Variants in AASDH observed in about 807,000 individuals in gnomAD.
AASDH encodes aminoadipate-semialdehyde dehydrogenase.
AASDH carries 81 observed loss-of-function variants against 102.3 expected under a neutral mutation model. The observed-to-expected ratio is 0.79, with a 90% CI of 0.66 to 0.95. The LOEUF (loss-of-function observed/expected upper bound fraction) is 0.95. Among genes scored for constraint, AASDH ranks in the 40% least tolerant of loss-of-function variants. The pLI is 0.00. For missense variants in AASDH, 1,203 were observed against 1,266.2 expected, an observed-to-expected ratio of 0.95 and a Z score of 0.76; for synonymous variants, 398 against 454.0, an observed-to-expected ratio of 0.88 and a Z score of 1.57.
chr4:56,346,944 G>C (rs1748396553), intron 11 of AASDH, among the ~76,000 whole-genome samples: 2 of 151,940 alleles, frequency 1.3e-5, no homozygotes, highest in Admixed American at 1.3e-4. Context: ...CAGAAGCTGA[G>C]GTGGGAGCAT....
chr4:56,363,617 G>A (rs1047686418), intron 5 of AASDH, among the ~76,000 whole-genome samples: 2 of 152,320 alleles, frequency 1.3e-5, no homozygotes, highest in African/African-American at 4.8e-5. Context: ...AACAGGGTCT[G>A]GAGTGGACCT....
intron 4 of AASDH, among the ~76,000 whole-genome samples, chr4:56,371,856 A>T (rs571898890): frequency 1.5e-4 from 23 of 152,262 alleles, no homozygotes; most frequent in African/African-American, 4.3e-4. Context: ...TCCACGTTTT[A>T]CCAGACATAT....
intron 5 of AASDH, among the ~76,000 whole-genome samples, chr4:56,371,102 A>G (rs1320968879): frequency 6.6e-6 from 1 of 152,196 alleles, no homozygotes; most frequent in Admixed American, 6.5e-5. Context: ...TTATAATTTA[A>G]TTGACTTATA....
rs139992537 is a variant in AASDH, at chr4:56,352,497, G to A, written c.1576+907C>T. ...CAACCTCTGCCTCCTGGGTTCAAGC[G>A]ATCCTCCCACCTCAGCCTTCCAAGT... is the stretch of plus-strand genomic sequence containing the variant. On this transcript the variant is annotated intron_variant, in intron 9 of 14. Coordinates refer to ENST00000205214, the MANE Select transcript of AASDH (RefSeq NM_181806.4). Among the ~76,000 whole-genome samples the A allele has an allele frequency of 9.2e-3, 1,396 of 152,200 alleles. 19 individuals carry two copies. The highest frequency in any genetic ancestry group is 0.032 in the African/African-American group (1,319 of 41,544).
intron 5 of AASDH, among the ~76,000 whole-genome samples, chr4:56,370,579 C>G (rs1256432734): frequency 1.2e-4 from 19 of 152,180 alleles, no homozygotes; most frequent in Admixed American, 2.6e-4. Flanking sequence ...GAAAAGACCG[C>G]AGTCTAATGA....
intron 10 of AASDH, 147 bp downstream of exon 10, chr4:56,351,195 A>G: frequency 1.8e-6 from 1 of 544,366 alleles, no homozygotes; most frequent in Non-Finnish European, 3.2e-6. Context: ...TTTTAATACA[A>G]ATTGGATAAA....
Position 56,354,056 on chromosome 4 carries a change from TG to T in AASDH, c.1365del (p.Asn455LysfsTer28), listed in dbSNP as rs773310003. 3.1e-6 allele frequency: 5 copies of T among 1,610,812 alleles called. No homozygotes were observed. Among genetic ancestry groups the T allele is most frequent in the Non-Finnish European group, 4.2e-6 (5 of 1,178,456 alleles). Reference protein sequence around the residue: ...SQIKRHGKRLNIELVQQVAEE... With the variant: ...SQIKRHGKRLXIELVQQVAEE... ...AGTTCTACCTGTTGCACAAGTTCAATGTTAAGACGTTTGCCATGACGTTTGA... is the reference window on the plus strand; with the variant it reads ...AGTTCTACCTGTTGCACAAGTTCAATTTAAGACGTTTGCCATGACGTTTGA... On this transcript the variant is annotated frameshift_variant, in exon 8 of 15. Transcript: ENST00000205214. LOFTEE classifies it high-confidence loss of function.
chr4:56,366,136 C>T (rs924842128), intron 5 of AASDH, among the ~76,000 whole-genome samples: 1 of 152,202 alleles, frequency 6.6e-6, no homozygotes, highest in Non-Finnish European at 1.5e-5. Flanking sequence ...TGGATAAGTT[C>T]CTCAACACAT....
chr4:56,352,063 A>G (rs1219873575), intron 9 of AASDH, among the ~76,000 whole-genome samples: 1 of 152,228 alleles, frequency 6.6e-6, no homozygotes, highest in Non-Finnish European at 1.5e-5. Context: ...GAAATTGGGA[A>G]GGCAATATAA....
At chr4:56,385,248 G>C (rs553151358) in intron 1 of AASDH, among the ~76,000 whole-genome samples, 1 of 152,150 alleles carries the variant, frequency 6.6e-6, no homozygotes, top group South Asian at 2.1e-4. Context: ...TATAAAAACA[G>C]TGTTTATTAC....
In AASDH at chr4:56,378,252, T is replaced by C; in HGVS notation, c.564A>G (p.Leu188=). ...GTAGAACATAGGCTAAGCAATGCTT[T>C]AGCCTCAGATCCATGTGTTCTTCTG... ...EKAEEHMDLR[L]KHCLAYVLHT... Residue 188 remains leucine, a synonymous_variant, in exon 4 of 15, where the codon CTA becomes CTG. Coordinates refer to ENST00000205214, the MANE Select transcript of AASDH (RefSeq NM_181806.4). 6.2e-7 allele frequency: 1 copy of C among 1,614,166 alleles called. No individual in the cohort carries two copies. Among genetic ancestry groups the C allele is most frequent in the Non-Finnish European group, 8.5e-7 (1 of 1,180,030 alleles).
intron 11 of AASDH, chr4:56,348,999 T>C: frequency 2.0e-6 from 1 of 494,220 alleles, no homozygotes; most frequent in Non-Finnish European, 3.5e-6. Flanking sequence ...TTATTCCCAT[T>C]TTACCCACAA....
intron 14 of AASDH, among the ~76,000 whole-genome samples, chr4:56,339,809 T>G (rs1176475876): frequency 7.7e-6 from 1 of 129,774 alleles, no homozygotes; most frequent in African/African-American, 2.8e-5. Flanking sequence ...CTATGTATCT[T>G]CTTTTCCAAA....
At chr4:56,362,822 C>T (rs971345435) in intron 5 of AASDH, among the ~76,000 whole-genome samples, 36 of 152,096 alleles carry the variant, frequency 2.4e-4, no homozygotes, top group Non-Finnish European at 4.7e-4. Flanking sequence ...ACGCAGAAGA[C>T]GGGTGATTTC....
intron 9 of AASDH, 133 bp downstream of exon 9, chr4:56,353,271 A>C: frequency 1.5e-6 from 1 of 661,532 alleles, no homozygotes; most frequent in Non-Finnish European, 2.4e-6. Flanking sequence ...TAGACAAAGC[A>C]GTCAAAAGAG....
At chr4:56,364,888 T>C (rs1380665504) in intron 5 of AASDH, among the ~76,000 whole-genome samples, 1 of 152,134 alleles carries the variant, frequency 6.6e-6, no homozygotes, top group African/African-American at 2.4e-5. Flanking sequence ...GAAATGTAAA[T>C]GGGCTAAATG....
intron 5 of AASDH, among the ~76,000 whole-genome samples, chr4:56,359,195 C>T (rs1181281971): frequency 1.3e-5 from 2 of 151,608 alleles, no homozygotes; most frequent in Admixed American, 6.6e-5. Flanking sequence ...ATATATGTGG[C>T]CACTGATGTT....
At chr4:56,363,646 C>T (rs535880271) in intron 5 of AASDH, among the ~76,000 whole-genome samples, 1 of 152,312 alleles carries the variant, frequency 6.6e-6, no homozygotes, top group Admixed American at 6.5e-5. Context: ...CTCTAACAGA[C>T]CTGCAGCTGG....
chr4:56,349,234 C>T (rs368098947), intron 11 of AASDH, 29 bp downstream of exon 11: 12 of 1,600,808 alleles, frequency 7.5e-6, no homozygotes, highest in Non-Finnish European at 1.0e-5. Context: ...TTCAATTTAA[C>T]TCCACAAACC....
Sources: gnomAD v4.1 joint callset for allele counts (sites outside exome capture counted in the v4.1 genomes callset) on GRCh38, gnomAD v4.1.1 for gene constraint, MANE v1.5 for transcripts, NCBI Gene and HGNC (gene_info 2026-07-23, HGNC 2026-07-21) for gene names.